APBB2: variants seen among roughly 807,000 people sequenced by gnomAD.
APBB2 encodes the protein Fe65-like 1.
In APBB2, 38 loss-of-function variants were observed where a neutral mutation model predicts 82.5. That is an observed-to-expected ratio of 0.46 (90% confidence interval 0.36 to 0.60). APBB2 has a LOEUF of 0.60. Ranked by LOEUF, APBB2 falls within the 20% of genes least tolerant of loss-of-function variation. APBB2 has a pLI of 0.00. For missense variants in APBB2, 772 were observed against 972.3 expected, an observed-to-expected ratio of 0.79 and a Z score of 2.74; for synonymous variants, 341 against 368.2, an observed-to-expected ratio of 0.93 and a Z score of 0.85.
chr4:40,879,484 C>T (rs1485650038), intron 12 of APBB2, among the ~76,000 whole-genome samples: 1 of 152,070 alleles, frequency 6.6e-6, no homozygotes, highest in Admixed American at 6.6e-5. Flanking sequence ...TTTTGGGGGG[C>T]TCTGAACAAC....
intron 10 of APBB2, among the ~76,000 whole-genome samples, chr4:40,901,142 T>A (rs1775158530): frequency 1.3e-5 from 2 of 152,146 alleles, no homozygotes; most frequent in African/African-American, 4.8e-5. Flanking sequence ...GTGACCCAGG[T>A]TACTCAATCT....
chr4:41,095,200 G>A (rs1422683462), intron 3 of APBB2, among the ~76,000 whole-genome samples: 1 of 152,194 alleles, frequency 6.6e-6, no homozygotes, highest in African/African-American at 2.4e-5. Flanking sequence ...CAGGGGCTCA[G>A]TTTCAAAATC....
intron 5 of APBB2, among the ~76,000 whole-genome samples, chr4:41,031,139 C>T (rs547019612): frequency 7.9e-5 from 12 of 152,278 alleles, no homozygotes; most frequent in African/African-American, 2.6e-4. Context: ...GCAGGAGAAT[C>T]GCTTGAACCT....
intron 5 of APBB2, among the ~76,000 whole-genome samples, chr4:41,024,045 T>C (rs929312238): frequency 1.3e-5 from 2 of 152,194 alleles, no homozygotes; most frequent in Non-Finnish European, 2.9e-5. Flanking sequence ...TATGACCATC[T>C]TATCTTCAAC....
At chr4:41,137,477 A>G (rs973174896) in intron 2 of APBB2, among the ~76,000 whole-genome samples, 1 of 152,234 alleles carries the variant, frequency 6.6e-6, no homozygotes, top group African/African-American at 2.4e-5. Context: ...TAATTACCCC[A>G]AAGAGAAAAC....
chr4:40,893,472 ACACTACTCC>A, intron 10 of APBB2, 61 bp from the exon 11 acceptor site: 1 of 1,483,128 alleles, frequency 6.7e-7, no homozygotes, highest in Non-Finnish European at 9.0e-7. Flanking sequence ...ATATCAGTTT[ACACTACTCC>A]CCTCCCGCAA....
intron 4 of APBB2, among the ~76,000 whole-genome samples, chr4:41,048,689 T>TCCCTCTCCTTCCA: frequency 8.6e-6 from 1 of 116,874 alleles, no homozygotes; most frequent in Non-Finnish European, 1.7e-5. Flanking sequence ...GGTCTCCCTC[T>TCCCTCTCCTTCCA]CCCTCTCCTT....
chr4:41,026,322 CT>C (rs1365391730), intron 5 of APBB2, among the ~76,000 whole-genome samples: 1 of 152,144 alleles, frequency 6.6e-6, no homozygotes, highest in African/African-American at 2.4e-5. Context: ...ACATGTACCC[CT>C]GAACCTAAAA....
intron 7 of APBB2, among the ~76,000 whole-genome samples, chr4:40,940,157 G>GT (rs1404961672): frequency 1.3e-5 from 2 of 152,176 alleles, no homozygotes; most frequent in Non-Finnish European, 2.9e-5. Context: ...CATACCACAG[G>GT]TAACAACACT....
At chr4:41,095,943 T>A (rs10013879) in intron 3 of APBB2, among the ~76,000 whole-genome samples, 35,189 of 152,150 alleles carry the variant, frequency 0.23, 4,488 homozygotes, top group Non-Finnish European at 0.29. Context: ...ACCTTTTCGA[T>A]CTCAGGGTCC....
chr4:41,211,832 A>G (rs1283870894), intron 1 of APBB2, among the ~76,000 whole-genome samples: 1 of 152,214 alleles, frequency 6.6e-6, no homozygotes, highest in Admixed American at 6.5e-5. Context: ...GAGACACGAC[A>G]TACCATTTTT....
chr4:40,987,222 C>A (rs1257823558), intron 6 of APBB2, among the ~76,000 whole-genome samples: 4 of 152,206 alleles, frequency 2.6e-5, no homozygotes, highest in African/African-American at 9.6e-5. Flanking sequence ...CTAAGCATAT[C>A]ATCAAAATAA....
chr4:40,841,914 G>A (rs1420646907), intron 12 of APBB2, among the ~76,000 whole-genome samples: 1 of 152,100 alleles, frequency 6.6e-6, no homozygotes, highest in Non-Finnish European at 1.5e-5. Flanking sequence ...TCCTGACCTC[G>A]AGTGATCCAC....
chr4:41,027,393 A>G (rs1273717373), intron 5 of APBB2, among the ~76,000 whole-genome samples: 5 of 129,984 alleles, frequency 3.8e-5, no homozygotes, highest in African/African-American at 2.0e-4. Flanking sequence ...ATATATATAT[A>G]TATATATATA....
intron 10 of APBB2, among the ~76,000 whole-genome samples, chr4:40,908,199 G>A (rs1000365889): frequency 1.6e-4 from 24 of 152,240 alleles, no homozygotes; most frequent in Admixed American, 2.6e-4. Context: ...GCACAAACCC[G>A]GGAGAGCGGC....
In APBB2 at chr4:41,127,520, A is replaced by G. The variant is rs560073687; in HGVS notation, c.-261+15467T>C. ...CTGCTTCCAACATCAAACTGGGTTC[A>G]GCAAATGATAACACTATCGGAGATT... On this transcript the variant is annotated intron_variant, in intron 2 of 17. Transcript: ENST00000508593. This position sits in a 1 kb window ranked among gnomAD's most constrained non-coding sequence, Gnocchi z 4.8. 6.6e-6 allele frequency among the ~76,000 whole-genome samples: 1 copy of G among 152,390 alleles called. No individual in the cohort carries two copies. The highest frequency in any genetic ancestry group is 2.1e-4 in the South Asian group (1 of 4,834).
chr4:41,006,556 T>C (rs142193854), intron 6 of APBB2, among the ~76,000 whole-genome samples: 9,396 of 149,432 alleles, frequency 0.063, 971 homozygotes, highest in African/African-American at 0.22. Flanking sequence ...CTCCACCTCC[T>C]GGGTTCAAGC....
At chr4:41,176,534 A>T (rs1290314098) in intron 1 of APBB2, among the ~76,000 whole-genome samples, 3 of 152,058 alleles carry the variant, frequency 2.0e-5, no homozygotes, top group Admixed American at 2.0e-4. Flanking sequence ...ATCAAAAAGT[A>T]ATATATAAAA....
intron 12 of APBB2, among the ~76,000 whole-genome samples, chr4:40,848,082 T>C (rs1307803420): frequency 1.3e-5 from 2 of 152,216 alleles, no homozygotes; most frequent in Non-Finnish European, 2.9e-5. Flanking sequence ...GTATTTGGAT[T>C]ACAGGCATGA....
Sources: gnomAD v4.1 joint callset for allele counts (sites outside exome capture counted in the v4.1 genomes callset) on GRCh38, gnomAD v4.1.1 for gene constraint, Gnocchi (gnomAD v3.1) non-coding constraint, MANE v1.5 for transcripts, NCBI Gene and HGNC (gene_info 2026-07-23, HGNC 2026-07-21) for gene names.